CNEP1R1: variants seen among roughly 807,000 people sequenced by gnomAD.
CNEP1R1 encodes nuclear envelope phosphatase-regulatory subunit 1.
CNEP1R1 carries 10 observed loss-of-function variants against 22.7 expected under a neutral mutation model. The ratio of observed to expected loss-of-function variants is 0.44; its 90% CI spans 0.27 to 0.75. CNEP1R1 has a LOEUF of 0.75. Ranked by LOEUF, CNEP1R1 falls within the 30% of genes least tolerant of loss-of-function variation. The probability of loss-of-function intolerance (pLI) is 0.17; values close to 1 mark genes in which losing one functional copy is unlikely to be tolerated. For missense variants in CNEP1R1, 73 were observed against 151.5 expected, an observed-to-expected ratio of 0.48 and a Z score of 2.72; for synonymous variants, 53 against 50.1, an observed-to-expected ratio of 1.06 and a Z score of -0.25.
chr16:50,031,022 G>A (rs1306954077), intron 3 of CNEP1R1, among the ~76,000 whole-genome samples: 1 of 152,056 alleles, frequency 6.6e-6, no homozygotes, highest in African/African-American at 2.4e-5. Context: ...CAAACTCAGG[G>A]CTTTTTTTTA....
intron 1 of CNEP1R1, chr16:50,025,556 T>C: frequency 7.7e-7 from 1 of 1,294,918 alleles, no homozygotes; most frequent in Non-Finnish European, 1.1e-6. Flanking sequence ...AGGGTCGACC[T>C]CCTCGCCAGC....
Position 50,025,254 on chromosome 16 carries a change from CG to C in CNEP1R1, c.-57del, listed in dbSNP as rs1168116252. On this transcript the variant is annotated 5_prime_UTR_variant, in exon 1 of 6. Coordinates refer to ENST00000427478, the MANE Select transcript of CNEP1R1 (RefSeq NM_001281789.2). ...GTGGGAGTTGGCGCTGCGGGCCGGG[CG>C]GGGGCCGCGGAAGCTGCGATGCGGA... 1.2e-5 allele frequency: 16 copies of C among 1,378,298 alleles called. No homozygotes were observed. Among genetic ancestry groups the C allele is most frequent in the Admixed American group, 7.2e-5 (2 of 27,814 alleles). 85.4% of individuals were successfully genotyped at this position (1,378,298 alleles called of 1,614,324 possible). A position where few individuals can be genotyped will look rare whatever the true frequency, so the allele number is the denominator to read the frequency against.
intron 2 of CNEP1R1, among the ~76,000 whole-genome samples, chr16:50,027,396 T>C (rs2036194590): frequency 6.6e-6 from 1 of 151,336 alleles, no homozygotes; most frequent in Non-Finnish European, 1.5e-5. Context: ...TAGTCCCAGC[T>C]ACTCTGGAGG....
In CNEP1R1 at chr16:50,035,525, C is replaced by T. The variant is rs1368106241; in HGVS notation, c.*67C>T. 1.1e-5 allele frequency: 13 copies of T among 1,197,852 alleles called. No homozygotes were observed. The East Asian group carries it at 2.0e-4, about 18-fold the overall frequency. 74.2% of individuals were successfully genotyped at this position (1,197,852 alleles called of 1,614,324 possible). ...TCGAATAAGTGATACAGCAAAAAGC[C>T]ATAAAGGATTCCTTTTGCGGTTGGA... On this transcript the variant is annotated 3_prime_UTR_variant, in exon 6 of 6. Transcript: ENST00000427478.
At chr16:50,035,214 G>T (rs964092374) in intron 5 of CNEP1R1, among the ~76,000 whole-genome samples, 13 of 152,130 alleles carry the variant, frequency 8.5e-5, no homozygotes, top group Non-Finnish European at 1.3e-4. Flanking sequence ...GAGAAAAAAA[G>T]ATGTATGTAG....
rs111314750 is a variant in CNEP1R1 at position 50,036,274 on chromosome 16, G to A, written c.*816G>A. On this transcript the variant is annotated 3_prime_UTR_variant, in exon 6 of 6. Coordinates refer to ENST00000427478, the MANE Select transcript of CNEP1R1 (RefSeq NM_001281789.2). ...CTGCTTCAGCCTTCTGAGTAGCTGG[G>A]ACTACAGGCGCATGCCACCATGCCC... 6.6e-6 allele frequency: 1 copy of A among 151,924 alleles called. No individual in the cohort carries two copies. Among genetic ancestry groups the A allele is most frequent in the African/African-American group, 2.4e-5 (1 of 41,420 alleles). The allele number at this position is 151,924 out of a possible 1,614,324, so 9.4% of individuals were successfully genotyped here. A position where few individuals can be genotyped will look rare whatever the true frequency, so the allele number is the denominator to read the frequency against.
intron 5 of CNEP1R1, among the ~76,000 whole-genome samples, chr16:50,035,092 C>T (rs1283044700): frequency 6.6e-6 from 1 of 152,082 alleles, no homozygotes; most frequent in Non-Finnish European, 1.5e-5. Flanking sequence ...TGGTTCACAC[C>T]TGTAATCCCA....
Position 50,027,086 on chromosome 16 carries a change from C to T in CNEP1R1, c.97+619C>T, listed in dbSNP as rs552428502. ...AGCAGTTTTATAATTTGCCTACAAA[C>T]TATTGGAATAAAATTTTAGTAAGAA... On this transcript the variant is annotated intron_variant, in intron 2 of 5. Transcript: ENST00000427478. Among the ~76,000 whole-genome samples the T allele has an allele frequency of 1.3e-3, 198 of 152,126 alleles. 2 individuals carry two copies. Among genetic ancestry groups the T allele is most frequent in the Middle Eastern group, 0.01 (3 of 294 alleles).
intron 4 of CNEP1R1, 150 bp from the exon 5 acceptor site, chr16:50,033,952 C>T (rs1235527298): frequency 1.3e-5 from 7 of 558,826 alleles, no homozygotes; most frequent in African/African-American, 7.8e-5. Context: ...GGCGCGATCT[C>T]GGATTAGCCA....
chr16:50,029,172 T>A (rs1436611542), intron 2 of CNEP1R1, among the ~76,000 whole-genome samples: 1 of 152,198 alleles, frequency 6.6e-6, no homozygotes, highest in East Asian at 1.9e-4. Context: ...TTCTAAGTTT[T>A]ACTGGCAGTA....
At chr16:50,026,573 C>T (rs1350459197) in intron 2 of CNEP1R1, 106 bp downstream of exon 2, 3 of 893,620 alleles carry the variant, frequency 3.4e-6, no homozygotes, top group East Asian at 5.3e-5. Flanking sequence ...ATTTATTTAA[C>T]ATTGTAGACA....
intron 5 of CNEP1R1, chr16:50,034,372 T>G: frequency 1.9e-6 from 1 of 525,476 alleles, no homozygotes; most frequent in South Asian, 2.2e-5. Context: ...TTGGGAGAGT[T>G]GACAATTTAA....
At chr16:50,032,152 C>T (rs1007556495) in intron 3 of CNEP1R1, among the ~76,000 whole-genome samples, 5 of 152,156 alleles carry the variant, frequency 3.3e-5, no homozygotes, top group African/African-American at 4.8e-5. Flanking sequence ...CACGTGCCTG[C>T]GCGTCTCCTG....
At chr16:50,032,186 G>A (rs1483490312) in intron 3 of CNEP1R1, among the ~76,000 whole-genome samples, 1 of 152,166 alleles carries the variant, frequency 6.6e-6, no homozygotes, top group East Asian at 1.9e-4. Context: ...GTGGGGATGT[G>A]CTTAACTTGA....
At chr16:50,031,651 T>G (rs1316843222) in intron 3 of CNEP1R1, among the ~76,000 whole-genome samples, 3 of 152,246 alleles carry the variant, frequency 2.0e-5, no homozygotes, top group African/African-American at 7.2e-5. Context: ...AGAATATAAC[T>G]ATTCGCCTAA....
Position 50,025,242 on chromosome 16 carries a change from C to T in CNEP1R1, c.-74C>T. On this transcript the variant is annotated 5_prime_UTR_variant, in exon 1 of 6. Transcript: ENST00000427478. ...GAGCGGTTAGAGGTGGGAGTTGGCG[C>T]TGCGGGCCGGGCGGGGGCCGCGGAA... The T allele has an allele frequency of 7.3e-7, 1 of 1,366,090 alleles. No individual in the cohort carries two copies. The highest frequency in any genetic ancestry group is 9.4e-7 in the Non-Finnish European group (1 of 1,059,174). 84.6% of individuals were successfully genotyped at this position (1,366,090 alleles called of 1,614,324 possible).
chr16:50,025,504 CG>C, intron 1 of CNEP1R1, 164 bp downstream of exon 1: 1 of 1,080,688 alleles, frequency 9.3e-7, no homozygotes, highest in Non-Finnish European at 1.3e-6. Flanking sequence ...TGGCCAGACG[CG>C]GGGGGCGGTG....
At chr16:50,029,293 A>G (rs1361730950) in intron 2 of CNEP1R1, among the ~76,000 whole-genome samples, 3 of 152,194 alleles carry the variant, frequency 2.0e-5, no homozygotes, top group Non-Finnish European at 4.4e-5. Context: ...TCTGCAAAGC[A>G]AAATCCTTTA....
chr16:50,026,056 C>T, intron 1 of CNEP1R1: 1 of 422,606 alleles, frequency 2.4e-6, no homozygotes, highest in Non-Finnish European at 4.2e-6. Flanking sequence ...AAAACTCGAC[C>T]TGATTTTAAT....
Sources: gnomAD v4.1 joint callset for allele counts (sites outside exome capture counted in the v4.1 genomes callset) on GRCh38, gnomAD v4.1.1 for gene constraint, MANE v1.5 for transcripts, NCBI Gene and HGNC (gene_info 2026-07-23, HGNC 2026-07-21) for gene names.